The following PEMT variants were observed in gnomAD, a reference collection of about 807,000 sequenced individuals.
The protein encoded by PEMT is phospholipid methyltransferase.
A neutral mutation model predicts 27.4 loss-of-function variants in PEMT; 23 were observed. The ratio of observed to expected loss-of-function variants is 0.84; its 90% CI spans 0.60 to 1.19. The LOEUF (loss-of-function observed/expected upper bound fraction) is 1.19, where lower values mean the gene tolerates loss of function less well. PEMT is among the 50% of genes most tolerant of loss of function. PEMT has a pLI of 0.00. For missense variants in PEMT, 307 were observed against 310.1 expected (o/e 0.99, Z 0.07); for synonymous variants, 137 against 139.1 (o/e 0.98, Z 0.11).
chr17:17,509,405 G>A (rs1180921505), intron 5 of PEMT, 29 bp downstream of exon 5: 1 of 1,456,266 alleles, frequency 6.9e-7, no homozygotes, highest in East Asian at 2.3e-5. Context: ...TGGCCAGCAG[G>A]GCAGAGGGGT....
In PEMT at chr17:17,534,042, T is replaced by TGA. The variant is rs1213682842; in HGVS notation, c.205-11649_205-11648dup. On this transcript the variant is annotated intron_variant, in intron 2 of 6. Transcript: ENST00000255389. ...CATCCAGCCCAGTTTGGCAGTCTCT[T>TGA]GAAGTGTTATGCACACACCTACCAC... Among the ~76,000 whole-genome samples, 4 of 152,238 alleles carry TGA rather than the reference T, an allele frequency of 2.6e-5. No individual in the cohort carries two copies. In the East Asian group the frequency reaches 7.7e-4, roughly 29 times the overall value.
intron 3 of PEMT, among the ~76,000 whole-genome samples, chr17:17,520,883 C>A (rs551268744): frequency 6.6e-6 from 1 of 152,394 alleles, no homozygotes; most frequent in South Asian, 2.1e-4. Context: ...TGGCCAAGGC[C>A]ATGACAATGA....
chr17:17,559,880 G>A (rs1437016676), intron 2 of PEMT, among the ~76,000 whole-genome samples: 1 of 152,256 alleles, frequency 6.6e-6, no homozygotes, highest in Non-Finnish European at 1.5e-5. Context: ...GAGCCCCGCT[G>A]CACGGCTGCG....
chr17:17,510,085 A>G (rs1358893117), intron 4 of PEMT, among the ~76,000 whole-genome samples: 1 of 152,144 alleles, frequency 6.6e-6, no homozygotes, highest in Non-Finnish European at 1.5e-5. Context: ...GCCTGGCCAC[A>G]GCACGCCTCC....
intron 1 of PEMT, among the ~76,000 whole-genome samples, chr17:17,588,090 C>T (rs1217978901): frequency 6.6e-6 from 1 of 152,168 alleles, no homozygotes; most frequent in Non-Finnish European, 1.5e-5. Context: ...ACAGTGTCAT[C>T]TCAACAGAGG....
intron 2 of PEMT, among the ~76,000 whole-genome samples, chr17:17,546,723 G>T (rs1207996238): frequency 6.6e-6 from 1 of 152,372 alleles, no homozygotes; most frequent in East Asian, 1.9e-4. Context: ...GAGAGGCTGG[G>T]ACAAGGTGGG....
At chr17:17,521,555 G>T (rs547153074) in intron 3 of PEMT, among the ~76,000 whole-genome samples, 1 of 151,470 alleles carries the variant, frequency 6.6e-6, no homozygotes, top group Non-Finnish European at 1.5e-5. Flanking sequence ...GGGCAAAGAA[G>T]CTTTCTTTTA....
intron 5 of PEMT, chr17:17,508,754 G>A (rs766923941): frequency 1.4e-4 from 66 of 467,680 alleles, no homozygotes; most frequent in South Asian, 2.3e-4. Flanking sequence ...GTCAGTACCC[G>A]TACCTGGCTG....
chr17:17,583,706 C>A (rs538018651), intron 1 of PEMT, among the ~76,000 whole-genome samples: 3 of 152,254 alleles, frequency 2.0e-5, no homozygotes, highest in Non-Finnish European at 4.4e-5. Flanking sequence ...CCGAGGCTGG[C>A]GGCCCCTCTA....
intron 2 of PEMT, among the ~76,000 whole-genome samples, chr17:17,533,324 A>G (rs1301381174): frequency 6.6e-6 from 1 of 152,236 alleles, no homozygotes; most frequent in African/African-American, 2.4e-5. Context: ...ATCATATACA[A>G]AAACTAACTC....
chr17:17,512,659 G>C lies in PEMT; in HGVS notation c.321-5C>G, dbSNP rs1266275974. Reference sequence around the variant, plus strand: ...CTCAGCATGGCCTGCGTGAAGCTGTGGGCAGGGGATGGAGAGGGAGGACGT... The same window carrying C: ...CTCAGCATGGCCTGCGTGAAGCTGTCGGCAGGGGATGGAGAGGGAGGACGT... On this transcript the variant is annotated splice_polypyrimidine_tract_variant and splice_region_variant and intron_variant, in intron 3 of 6. Coordinates refer to ENST00000255389, the MANE Select transcript of PEMT (RefSeq NM_148172.3). The surrounding 1 kb of genome is among the most constrained non-coding windows in gnomAD (Gnocchi z 6.3). 6.6e-7 allele frequency: 1 copy of C among 1,517,462 alleles called. No individual in the cohort carries two copies. Among genetic ancestry groups the C allele is most frequent in the Non-Finnish European group, 8.9e-7 (1 of 1,124,688 alleles). The allele number at this position is 1,517,462 out of a possible 1,614,324, so 94.0% of individuals were successfully genotyped here.
chr17:17,509,910 C>A (rs1020184691), intron 4 of PEMT, among the ~76,000 whole-genome samples: 2 of 152,136 alleles, frequency 1.3e-5, no homozygotes, highest in Admixed American at 6.5e-5. Context: ...CCTCCTCAGG[C>A]CCTTCGCCCT....
chr17:17,512,323 T>C lies in PEMT; in HGVS notation c.466+186A>G, dbSNP rs1211286738. Among the ~76,000 whole-genome samples the C allele has an allele frequency of 6.6e-6, 1 of 152,172 alleles. No homozygotes were observed. The highest frequency in any genetic ancestry group is 1.5e-5 in the Non-Finnish European group (1 of 68,002). On this transcript the variant is annotated intron_variant, in intron 4 of 6. Coordinates refer to ENST00000255389, the MANE Select transcript of PEMT (RefSeq NM_148172.3). The surrounding 1 kb of genome is among the most constrained non-coding windows in gnomAD (Gnocchi z 6.3). ...CAGCACGCTGGGGTAAGAGGAGCTGTTGGAGCCCAGCCTCCTGTTCTAACC... is the reference window on the plus strand; with the variant it reads ...CAGCACGCTGGGGTAAGAGGAGCTGCTGGAGCCCAGCCTCCTGTTCTAACC...
intron 3 of PEMT, among the ~76,000 whole-genome samples, chr17:17,515,183 G>C (rs533499430): frequency 4.3e-4 from 66 of 152,314 alleles, no homozygotes; most frequent in African/African-American, 1.4e-3. Flanking sequence ...CATACCCCAT[G>C]CTCAGGGTTC....
At chr17:17,516,599 G>A (rs1433010665) in intron 3 of PEMT, among the ~76,000 whole-genome samples, 2 of 152,148 alleles carry the variant, frequency 1.3e-5, no homozygotes, top group Non-Finnish European at 2.9e-5. Flanking sequence ...CCTAGCACCT[G>A]GGAATCCCAG....
intron 2 of PEMT, among the ~76,000 whole-genome samples, 169 bp downstream of exon 2, chr17:17,576,751 C>A (rs562574579): frequency 6.6e-6 from 1 of 152,182 alleles, no homozygotes; most frequent in Admixed American, 6.5e-5. Flanking sequence ...CAAGGCAAGA[C>A]GGCAGGAAGC....
chr17:17,579,938 G>A (rs768312966), intron 1 of PEMT, among the ~76,000 whole-genome samples: 4 of 152,208 alleles, frequency 2.6e-5, no homozygotes, highest in Admixed American at 6.5e-5. Flanking sequence ...CCTGCCCAGC[G>A]CCTGCAGCCA....
intron 2 of PEMT, among the ~76,000 whole-genome samples, chr17:17,533,980 C>T (rs4924933): frequency 8.6e-4 from 131 of 152,260 alleles, no homozygotes; most frequent in African/African-American, 2.2e-3. Flanking sequence ...GATCCACTCA[C>T]CTCGGCCTCG....
rs372772832 is a variant in PEMT, at chr17:17,591,515, C to T, written c.96+16G>A. On this transcript the variant is annotated intron_variant, in intron 1 of 6. Coordinates refer to ENST00000255389, the MANE Select transcript of PEMT (RefSeq NM_148172.3). ...TCCCTCTCCCAGTTTCCGCGGCGGT[C>T]CGGTGCGGTCAGTACCTGTCTAAAA... 1.9e-5 allele frequency: 30 copies of T among 1,594,132 alleles called. No homozygotes were observed. The highest frequency in any genetic ancestry group is 2.3e-5 in the Non-Finnish European group (27 of 1,164,530).
Sources: gnomAD v4.1 joint callset for allele counts (sites outside exome capture counted in the v4.1 genomes callset) on GRCh38, gnomAD v4.1.1 for gene constraint, Gnocchi (gnomAD v3.1) non-coding constraint, MANE v1.5 for transcripts, NCBI Gene and HGNC (gene_info 2026-07-23, HGNC 2026-07-21) for gene names.